FUT5: variants seen among roughly 807,000 people sequenced by gnomAD.
The protein encoded by FUT5 is fucosyltransferase 5.
In FUT5, 1 loss-of-function variant was observed where a neutral mutation model predicts 0.8. That is an observed-to-expected ratio of 1.26 (90% CI 0.45 to 5.99). FUT5 has a LOEUF of 5.99. FUT5 is among the 30% of genes most tolerant of loss of function. The pLI is 0.15. For missense variants in FUT5, 437 were observed against 517.8 expected, an observed-to-expected ratio of 0.84 and a Z score of 1.51; for synonymous variants, 212 against 225.7, an observed-to-expected ratio of 0.94 and a Z score of 0.54.
Position 5,867,415 on chromosome 19 carries a change from C to T in FUT5, c.311G>A (p.Cys104Tyr), listed in dbSNP as rs1307226533. The T allele has an allele frequency of 1.9e-6, 3 of 1,613,612 alleles. No individual in the cohort carries two copies. In the African/African-American group the frequency reaches 4.0e-5, roughly 22 times the overall value. The stretch of plus-strand genomic sequence containing the variant: ...CACACTGGAGTCGGCAGTGATGTTG[C>T]AGTCGGCCGCGCCGGGCACCATCTC... ...CSEMVPGAAD[C>Y]NITADSSVYP... Residue 104 changes from cysteine (C) to tyrosine (Y), a missense_variant, in exon 2 of 2, where the codon TGC becomes TAC. Cys to Tyr is a radical substitution (Grantham distance 194, BLOSUM62 -2). Transcript: ENST00000588525. The surrounding 1 kb of genome is among the most constrained non-coding windows in gnomAD (Gnocchi z 5.0).
At chr19:5,869,907 T>C (rs552013012) in intron 1 of FUT5, among the ~76,000 whole-genome samples, 1 of 151,946 alleles carries the variant, frequency 6.6e-6, no homozygotes. Flanking sequence ...CTGTTTCTAC[T>C]AAAAATACAA....
In FUT5 at chr19:5,866,660, T is replaced by C. The variant is rs2057504308; in HGVS notation, c.1066A>G (p.Lys356Glu). ...WALAFCKACWKLQQESRYQTV... is the reference protein window; with the variant it reads ...WALAFCKACWELQQESRYQTV... ...TGGTACCTAGATTCCTGCTGCAGCTTCCAGCAGGCCTTGCAGAAAGCCAGT... is the reference window on the plus strand; with the variant it reads ...TGGTACCTAGATTCCTGCTGCAGCTCCCAGCAGGCCTTGCAGAAAGCCAGT... Residue 356 changes from lysine (K) to glutamate (E), a missense_variant, in exon 2 of 2, where the codon AAG (lysine) becomes GAG (glutamate). Lys to Glu is a moderately conservative substitution (Grantham distance 56). Transcript: ENST00000588525. This position sits in a 1 kb window ranked among gnomAD's most constrained non-coding sequence, Gnocchi z 4.9. The C allele has an allele frequency of 6.2e-7, 1 of 1,612,742 alleles. No homozygotes were observed. Among genetic ancestry groups the C allele is most frequent in the African/African-American group, 1.3e-5 (1 of 74,780 alleles).
chr19:5,867,447 G>A lies in FUT5; in HGVS notation c.279C>T (p.Arg93=). The change falls in exon 2 of 2, where the codon CGC becomes CGT. Residue 93 remains arginine (R), a synonymous_variant. Coordinates refer to ENST00000588525, the MANE Select transcript of FUT5 (RefSeq NM_002034.2). This position sits in a 1 kb window ranked among gnomAD's most constrained non-coding sequence, Gnocchi z 5.0. ...WPFNTPVALP[R]CSEMVPGAAD... is the part of the protein sequence containing the mutation. ...CCGCGCCGGGCACCATCTCTGAGCA[G>A]CGGGGCAGAGCCACGGGTGTGTTAA... is the stretch of plus-strand genomic sequence containing the variant. 11 of 1,613,700 alleles carry A rather than the reference G, an allele frequency of 6.8e-6. No homozygotes were observed. Among genetic ancestry groups the A allele is most frequent in the Non-Finnish European group, 9.3e-6 (11 of 1,180,000 alleles).
At position 5,866,509 on chromosome 19, in the gene FUT5, C is replaced by CCAGGCAGCCGAGGCCA; in HGVS notation, c.*91_*92insTGGCCTCGGCTGCCTG. Reference sequence around the variant, plus strand: ...GCCGAGGCCCCAGGCAGCCGAGGCCCCAGGTAGGTAAATCCCCCGACTAGT... The same window carrying CCAGGCAGCCGAGGCCA: ...GCCGAGGCCCCAGGCAGCCGAGGCCCCAGGCAGCCGAGGCCACAGGTAGGTAAATCCCCCGACTAGT... On this transcript the variant is annotated 3_prime_UTR_variant, in exon 2 of 2. Transcript: ENST00000588525. This position sits in a 1 kb window ranked among gnomAD's most constrained non-coding sequence, Gnocchi z 4.9. The CCAGGCAGCCGAGGCCA allele has an allele frequency of 6.2e-7, 1 of 1,602,364 alleles. No homozygotes were observed.
chr19:5,870,115 T>C (rs1380115899), intron 1 of FUT5, among the ~76,000 whole-genome samples: 2 of 149,946 alleles, frequency 1.3e-5, no homozygotes, highest in African/African-American at 4.9e-5. Flanking sequence ...AATTTCCTGG[T>C]ATTCTTTTTT....
Position 5,867,633 on chromosome 19 carries a change from G to C in FUT5, c.93C>G (p.Phe31Leu). ...LFQLLVAVCF[F>L]SYLRVSRDDA... ...CGTCTCGGGACACACGCAGGTAGGA[G>C]AAGAAACACACAGCCACCAGCAGCT... Residue 31 changes from phenylalanine (F) to leucine (L), a missense_variant, in exon 2 of 2, where the codon TTC becomes TTG. Transcript: ENST00000588525. The surrounding 1 kb of genome is among the most constrained non-coding windows in gnomAD (Gnocchi z 5.0). The C allele has an allele frequency of 6.2e-7, 1 of 1,613,592 alleles. No individual in the cohort carries two copies. Among genetic ancestry groups the C allele is most frequent in the Non-Finnish European group, 8.5e-7 (1 of 1,180,034 alleles).
Position 5,867,517 on chromosome 19 carries a change from G to A in FUT5, c.209C>T (p.Thr70Ile), listed in dbSNP as rs1470890923. The A allele has an allele frequency of 6.7e-7, 1 of 1,486,600 alleles. No individual in the cohort carries two copies. The allele number at this position is 1,486,600 out of a possible 1,614,324, so 92.1% of individuals were successfully genotyped here. Reference sequence around the variant, plus strand: ...GATCAGTAGGGTGGGGTGGGCAGGGGTCGCCATGCTGTCCTGGCAGCGGGA... The same window carrying A: ...GATCAGTAGGGTGGGGTGGGCAGGGATCGCCATGCTGTCCTGGCAGCGGGA... Reference protein sequence around the residue: ...NGSRCQDSMATPAHPTLLILL... With the variant: ...NGSRCQDSMAIPAHPTLLILL... Residue 70 changes from threonine to isoleucine, a missense_variant, in exon 2 of 2, where the codon ACC (threonine) becomes ATC (isoleucine). Physicochemically the swap from Thr to Ile is moderately conservative, Grantham distance 89. This residue lies in a region of FUT5 where 261 missense variants were observed against 242.6 expected (regional missense o/e 1.08). Coordinates refer to ENST00000588525, the MANE Select transcript of FUT5 (RefSeq NM_002034.2). This position sits in a 1 kb window ranked among gnomAD's most constrained non-coding sequence, Gnocchi z 5.0.
chr19:5,867,839 C>A lies in FUT5; in HGVS notation c.-12-102G>T. The stretch of plus-strand genomic sequence containing the variant: ...TGTTATAATTTATGACACAGCTTGT[C>A]ATAAATGCCCCCAGTACCCCTGAGT... On this transcript the variant is annotated intron_variant, in intron 1 of 1. Transcript: ENST00000588525. This position sits in a 1 kb window ranked among gnomAD's most constrained non-coding sequence, Gnocchi z 5.0. 1 of 1,247,416 alleles carries A rather than the reference C, an allele frequency of 8.0e-7. No homozygotes were observed. The highest frequency in any genetic ancestry group is 1.9e-5 in the Admixed American group (1 of 53,432). 77.3% of individuals were successfully genotyped at this position (1,247,416 alleles called of 1,614,324 possible).
chr19:5,866,137 A>C lies in FUT5; in HGVS notation c.*464T>G. On this transcript the variant is annotated 3_prime_UTR_variant, in exon 2 of 2. Transcript: ENST00000588525. This position sits in a 1 kb window ranked among gnomAD's most constrained non-coding sequence, Gnocchi z 4.9. ...TACCCTTCGCCCTCCTCCTTAGGGG[A>C]CCCTGCCCTTCCCTGACCTGCCCTG... 1 of 298,434 alleles carries C rather than the reference A, an allele frequency of 3.4e-6. No homozygotes were observed. The highest frequency in any genetic ancestry group is 6.5e-6 in the Non-Finnish European group (1 of 153,706). The allele number at this position is 298,434 out of a possible 1,614,324, so 18.5% of individuals were successfully genotyped here. A position where few individuals can be genotyped will look rare whatever the true frequency, so the allele number is the denominator to read the frequency against.
intron 1 of FUT5, among the ~76,000 whole-genome samples, chr19:5,870,081 A>G (rs2057518072): frequency 6.6e-6 from 1 of 151,468 alleles, no homozygotes; most frequent in Non-Finnish European, 1.5e-5. Flanking sequence ...AAAAAAAAAA[A>G]AAAAAAGAAA....
Position 5,867,332 on chromosome 19 carries a change from C to T in FUT5, c.394G>A (p.Ala132Thr). ...HHWDIMYNPSANLPPPTRPQG... is the reference protein window; with the variant it reads ...HHWDIMYNPSTNLPPPTRPQG... Reference sequence around the variant, plus strand: ...GGCCTGGTGGGGGGCGGGAGGTTGGCACTGGGGTTGTACATGATATCCCAG... The same window carrying T: ...GGCCTGGTGGGGGGCGGGAGGTTGGTACTGGGGTTGTACATGATATCCCAG... Residue 132 changes from alanine to threonine, a missense_variant, in exon 2 of 2, where the codon GCC (alanine) becomes ACC (threonine). By Grantham distance (58) the Ala-to-Thr change is moderately conservative. This residue lies in a region of FUT5 where 261 missense variants were observed against 242.6 expected (regional missense o/e 1.08). Coordinates refer to ENST00000588525, the MANE Select transcript of FUT5 (RefSeq NM_002034.2). This position sits in a 1 kb window ranked among gnomAD's most constrained non-coding sequence, Gnocchi z 5.0. 1 of 1,613,812 alleles carries T rather than the reference C, an allele frequency of 6.2e-7. No homozygotes were observed. Among genetic ancestry groups the T allele is most frequent in the East Asian group, 2.2e-5 (1 of 44,876 alleles).
Position 5,866,354 on chromosome 19 carries a change from C to T in FUT5, c.*247G>A. On this transcript the variant is annotated 3_prime_UTR_variant, in exon 2 of 2. Transcript: ENST00000588525. This position sits in a 1 kb window ranked among gnomAD's most constrained non-coding sequence, Gnocchi z 4.9. ...CCCCAGTAGGCACCATCCCCAGCCC[C>T]AGCTGGCAAGGTCCCCAGCAGGGGA... 1 of 633,826 alleles carries T rather than the reference C, an allele frequency of 1.6e-6. No homozygotes were observed. The highest frequency in any genetic ancestry group is 2.7e-6 in the Non-Finnish European group (1 of 367,740). The allele number at this position is 633,826 out of a possible 1,614,324, so 39.3% of individuals were successfully genotyped here. A position where few individuals can be genotyped will look rare whatever the true frequency, so the allele number is the denominator to read the frequency against.
rs755502536 is a variant in FUT5, at chr19:5,867,126, C to T, written c.600G>A (p.Ser200=). 3.5e-5 allele frequency: 56 copies of T among 1,612,916 alleles called. No individual in the cohort carries two copies. Among genetic ancestry groups the T allele is most frequent in the Admixed American group, 1.0e-4 (6 of 59,958 alleles). ...CCCAGGCCACCAGCTCGGTCTTGGC[C>T]GAGAGGTTGAGCGGTGGGTGGGCAG... The part of the protein sequence containing the change: ...GQPAHPPLNL[S]AKTELVAWAV... The change falls in exon 2 of 2, where the codon TCG becomes TCA. Residue 200 remains serine (S), a synonymous_variant. Transcript: ENST00000588525. The surrounding 1 kb of genome is among the most constrained non-coding windows in gnomAD (Gnocchi z 5.0).
At position 5,865,891 on chromosome 19, in the gene FUT5, C is replaced by T. The variant is rs1216292307; in HGVS notation, c.*710G>A. 6.2e-6 allele frequency: 1 copy of T among 160,158 alleles called. No individual in the cohort carries two copies. The highest frequency in any genetic ancestry group is 1.4e-5 in the Non-Finnish European group (1 of 72,152). 9.9% of individuals were successfully genotyped at this position (160,158 alleles called of 1,614,324 possible). ...GTGGTTAACAACAGCAATAAAACCA[C>T]AAGCAAACCAGCCTGCACCATCGCC... On this transcript the variant is annotated 3_prime_UTR_variant, in exon 2 of 2. Transcript: ENST00000588525.
rs141146690 is a variant in FUT5 at position 5,867,538 on chromosome 19, C to A, written c.188G>T (p.Arg63Leu). 6.2e-7 allele frequency: 1 copy of A among 1,613,394 alleles called. No homozygotes were observed. Among genetic ancestry groups the A allele is most frequent in the South Asian group, 1.1e-5 (1 of 91,074 alleles). ...AGGGGTCGCCATGCTGTCCTGGCAG[C>A]GGGACCCATTGGGAGCCCCGGTGAC... ...EPVTGAPNGS[R>L]CQDSMATPAH... Residue 63 changes from arginine to leucine, a missense_variant, in exon 2 of 2, where the codon CGC becomes CTC. Around this residue, in one of 2 missense-constraint regions of FUT5, gnomAD observed 261 missense variants for 242.6 expected, o/e 1.08. Coordinates refer to ENST00000588525, the MANE Select transcript of FUT5 (RefSeq NM_002034.2). The surrounding 1 kb of genome is among the most constrained non-coding windows in gnomAD (Gnocchi z 5.0).
In FUT5 at chr19:5,866,414, C is replaced by A; in HGVS notation, c.*187G>T. On this transcript the variant is annotated 3_prime_UTR_variant, in exon 2 of 2. Coordinates refer to ENST00000588525, the MANE Select transcript of FUT5 (RefSeq NM_002034.2). The surrounding 1 kb of genome is among the most constrained non-coding windows in gnomAD (Gnocchi z 4.9). ...CAGTGAAGCCCGGCAAGTGAAATCC[C>A]AGGTAAGTCACATGCCTGGCCACCA... The A allele has an allele frequency of 1.1e-6, 1 of 933,432 alleles. No homozygotes were observed. The highest frequency in any genetic ancestry group is 1.6e-6 in the Non-Finnish European group (1 of 612,218). The allele number at this position is 933,432 out of a possible 1,614,324, so 57.8% of individuals were successfully genotyped here.
intron 1 of FUT5, among the ~76,000 whole-genome samples, chr19:5,869,239 A>G (rs560002246): frequency 1.3e-5 from 2 of 149,534 alleles, no homozygotes; most frequent in East Asian, 3.9e-4. Flanking sequence ...TGGGCCTCCC[A>G]AAGTGCTGGG....
rs200827206 is a variant in FUT5, at chr19:5,867,754, G to A, written c.-12-17C>T. On this transcript the variant is annotated splice_polypyrimidine_tract_variant and intron_variant, in intron 1 of 1. Coordinates refer to ENST00000588525, the MANE Select transcript of FUT5 (RefSeq NM_002034.2). This position sits in a 1 kb window ranked among gnomAD's most constrained non-coding sequence, Gnocchi z 5.0. ...TCAGAGTAGCTGGGAAGAGAGGAGA[G>A]AGGAGTGAGGGTCATTAAGGAAGAT... 2 of 1,611,480 alleles carry A rather than the reference G, an allele frequency of 1.2e-6. No homozygotes were observed. Among genetic ancestry groups the A allele is most frequent in the Non-Finnish European group, 8.5e-7 (1 of 1,178,616 alleles).
At position 5,867,129 on chromosome 19, in the gene FUT5, G is replaced by C; in HGVS notation, c.597C>G (p.Leu199=). ...SGQPAHPPLN[L]SAKTELVAWA... ...AGGCCACCAGCTCGGTCTTGGCCGA[G>C]AGGTTGAGCGGTGGGTGGGCAGGCT... The change falls in exon 2 of 2, where the codon CTC becomes CTG. Residue 199 remains leucine (L), a synonymous_variant. Coordinates refer to ENST00000588525, the MANE Select transcript of FUT5 (RefSeq NM_002034.2). The surrounding 1 kb of genome is among the most constrained non-coding windows in gnomAD (Gnocchi z 5.0). 2 of 1,612,872 alleles carry C rather than the reference G, an allele frequency of 1.2e-6. No homozygotes were observed.
Sources: gnomAD v4.1 joint callset for allele counts (sites outside exome capture counted in the v4.1 genomes callset) on GRCh38, gnomAD v4.1.1 for gene constraint, gnomAD v4.1.1 regional missense constraint, Gnocchi (gnomAD v3.1) non-coding constraint, MANE v1.5 for transcripts, NCBI Gene and HGNC (gene_info 2026-07-23, HGNC 2026-07-21) for gene names.